FAM135B: variants seen among roughly 807,000 people sequenced by gnomAD.
FAM135B encodes the protein family with sequence similarity 135 member B.
FAM135B carries 43 observed loss-of-function variants against 127.7 expected under a neutral mutation model. The ratio of observed to expected loss-of-function variants is 0.34; its 90% CI spans 0.26 to 0.43. The LOEUF (loss-of-function observed/expected upper bound fraction) is 0.43, where lower values mean the gene tolerates loss of function less well. Among genes scored for constraint, FAM135B ranks in the 20% least tolerant of loss-of-function variants. The pLI is 1.00. For synonymous variants in FAM135B, 670 were observed against 665.1 expected, an observed-to-expected ratio of 1.01 and a Z score of -0.11; for missense variants, 1,558 against 1,725.6, an observed-to-expected ratio of 0.90 and a Z score of 1.72.
At chr8:138,224,114 C>T (rs988118438) in intron 7 of FAM135B, among the ~76,000 whole-genome samples, 1 of 152,108 alleles carries the variant, frequency 6.6e-6, no homozygotes, top group African/African-American at 2.4e-5. Flanking sequence ...CAACTGTACC[C>T]CAAACCTCAG....
chr8:138,349,072 C>T (rs1235290987), intron 2 of FAM135B, among the ~76,000 whole-genome samples: 2 of 152,226 alleles, frequency 1.3e-5, no homozygotes, highest in Admixed American at 1.3e-4. Flanking sequence ...GTGACCAACT[C>T]ATTGCAGTTT....
At chr8:138,473,068 ATTT>A (rs1427603898) in intron 1 of FAM135B, among the ~76,000 whole-genome samples, 6 of 152,142 alleles carry the variant, frequency 3.9e-5, no homozygotes, top group Non-Finnish European at 7.4e-5. Flanking sequence ...GAGATGAATT[ATTT>A]CTTCTCAACT....
intron 1 of FAM135B, among the ~76,000 whole-genome samples, chr8:138,390,443 C>T (rs934235345): frequency 2.6e-5 from 4 of 151,942 alleles, no homozygotes; most frequent in Admixed American, 6.6e-5. Flanking sequence ...GATTGTGAGG[C>T]CTCCCCACCC....
Position 138,243,879 on chromosome 8 carries a change from C to G in FAM135B, c.543-811G>C, listed in dbSNP as rs1282341519. Among the ~76,000 whole-genome samples the G allele has an allele frequency of 2.0e-5, 3 of 151,902 alleles. No homozygotes were observed. Among genetic ancestry groups the G allele is most frequent in the African/African-American group, 7.3e-5 (3 of 41,354 alleles). On this transcript the variant is annotated intron_variant, in intron 6 of 19. Transcript: ENST00000395297. The surrounding 1 kb of genome is among the most constrained non-coding windows in gnomAD (Gnocchi z 7.5). ...ATTTCTTTTCTAATGGATGTTTTGTCATATTGTGGATACTATATTCTAGGC... is the reference window on the plus strand; with the variant it reads ...ATTTCTTTTCTAATGGATGTTTTGTGATATTGTGGATACTATATTCTAGGC...
At chr8:138,298,130 AGATGT>A (rs1201628011) in intron 3 of FAM135B, among the ~76,000 whole-genome samples, 1 of 152,206 alleles carries the variant, frequency 6.6e-6, no homozygotes, top group Non-Finnish European at 1.5e-5. Flanking sequence ...CACATAGGGA[AGATGT>A]GATGAGTTAA....
intron 2 of FAM135B, among the ~76,000 whole-genome samples, chr8:138,336,319 C>G (rs1828581875): frequency 6.6e-6 from 1 of 152,024 alleles, no homozygotes; most frequent in Admixed American, 6.6e-5. Flanking sequence ...AATCCAGGAG[C>G]TGGTTTTTTG....
chr8:138,156,605 T>C (rs1818777606), intron 12 of FAM135B, among the ~76,000 whole-genome samples: 1 of 151,910 alleles, frequency 6.6e-6, no homozygotes, highest in African/African-American at 2.4e-5. Flanking sequence ...TAAAAAATGA[T>C]AAAGGGGATA....
intron 14 of FAM135B, among the ~76,000 whole-genome samples, chr8:138,147,065 G>A (rs756310040): frequency 1.3e-5 from 2 of 152,064 alleles, no homozygotes; most frequent in African/African-American, 4.8e-5. Context: ...ATGCCCATAC[G>A]CCCCCTATGT....
chr8:138,273,300 G>T (rs572408382), intron 3 of FAM135B, among the ~76,000 whole-genome samples: 37 of 152,292 alleles, frequency 2.4e-4, no homozygotes, highest in African/African-American at 8.9e-4. Flanking sequence ...CCACCTCCAG[G>T]GTTCAAGTGA....
chr8:138,309,824 C>G (rs1826531105), intron 3 of FAM135B, among the ~76,000 whole-genome samples: 1 of 151,116 alleles, frequency 6.6e-6, no homozygotes, highest in Non-Finnish European at 1.5e-5. Context: ...CTTTAATGCT[C>G]CCTACCCTCT....
chr8:138,273,123 C>T (rs563322201), intron 3 of FAM135B, among the ~76,000 whole-genome samples: 1 of 152,280 alleles, frequency 6.6e-6, no homozygotes, highest in African/African-American at 2.4e-5. Flanking sequence ...GCTGACATGG[C>T]TATTACAAAT....
Position 138,132,275 on chromosome 8 carries a change from C to T in FAM135B, c.*318G>A. On this transcript the variant is annotated 3_prime_UTR_variant, in exon 20 of 20. Transcript: ENST00000395297. The surrounding 1 kb of genome is among the most constrained non-coding windows in gnomAD (Gnocchi z 4.5). ...TAAATTGGAGTAATCTCTCAGTAAGCCAGTAGTGGCTAGCAAGGGGAGCTC... is the reference window on the plus strand; with the variant it reads ...TAAATTGGAGTAATCTCTCAGTAAGTCAGTAGTGGCTAGCAAGGGGAGCTC... 1 of 304,218 alleles carries T rather than the reference C, an allele frequency of 3.3e-6. No individual in the cohort carries two copies. The allele number at this position is 304,218 out of a possible 1,614,324, so 18.8% of individuals were successfully genotyped here.
At chr8:138,196,060 G>T (rs1381909648) in intron 8 of FAM135B, among the ~76,000 whole-genome samples, 1 of 152,192 alleles carries the variant, frequency 6.6e-6, no homozygotes, top group African/African-American at 2.4e-5. Flanking sequence ...AAGGCAAAAT[G>T]AACTATTGAT....
chr8:138,284,818 T>C (rs1377884566), intron 3 of FAM135B, among the ~76,000 whole-genome samples: 1 of 151,978 alleles, frequency 6.6e-6, no homozygotes, highest in African/African-American at 2.4e-5. Flanking sequence ...GAAATACCTT[T>C]GTGTTATTAT....
chr8:138,424,319 G>T (rs1834711387), intron 1 of FAM135B, among the ~76,000 whole-genome samples: 1 of 152,106 alleles, frequency 6.6e-6, no homozygotes, highest in Admixed American at 6.6e-5. Flanking sequence ...ATTAATTTGG[G>T]GAACTAATAA....
chr8:138,158,319 TA>T (rs1160608965), intron 12 of FAM135B, among the ~76,000 whole-genome samples: 1 of 152,180 alleles, frequency 6.6e-6, no homozygotes, highest in Non-Finnish European at 1.5e-5. Context: ...ATTAAAGACT[TA>T]AATGTTAGAC....
intron 1 of FAM135B, among the ~76,000 whole-genome samples, chr8:138,378,980 G>A (rs1036497256): frequency 1.3e-5 from 2 of 152,188 alleles, no homozygotes; most frequent in Admixed American, 1.3e-4. Flanking sequence ...ATCACTATTT[G>A]CAGCTCTCAG....
chr8:138,297,327 C>G (rs1050703189), intron 3 of FAM135B, among the ~76,000 whole-genome samples: 1 of 152,200 alleles, frequency 6.6e-6, no homozygotes, highest in African/African-American at 2.4e-5. Context: ...CCCCACGAGA[C>G]AGGGTCTACT....
chr8:138,357,422 G>C (rs1830159875), intron 2 of FAM135B, among the ~76,000 whole-genome samples: 1 of 152,112 alleles, frequency 6.6e-6, no homozygotes, highest in African/African-American at 2.4e-5. Context: ...GAAAAACAGA[G>C]AGTAACTTAT....
Sources: gnomAD v4.1 joint callset for allele counts (sites outside exome capture counted in the v4.1 genomes callset) on GRCh38, gnomAD v4.1.1 for gene constraint, Gnocchi (gnomAD v3.1) non-coding constraint, MANE v1.5 for transcripts, NCBI Gene and HGNC (gene_info 2026-07-23, HGNC 2026-07-21) for gene names.